The following SNX24 variants were observed in gnomAD, a reference collection of about 807,000 sequenced individuals.
SNX24 encodes sorting nexin 24.
A neutral mutation model predicts 28.7 loss-of-function variants in SNX24; 22 were observed. That is an observed-to-expected ratio of 0.77 (90% confidence interval 0.55 to 1.10). SNX24 has a LOEUF of 1.10. SNX24 is among the 50% of genes least tolerant of loss of function. SNX24 has a pLI of 0.00. For missense variants in SNX24, 221 were observed against 201.1 expected (o/e 1.10, Z -0.60); for synonymous variants, 69 against 71.5 (o/e 0.96, Z 0.18).
intron 1 of SNX24, among the ~76,000 whole-genome samples, chr5:122,925,909 C>G (rs1758674184): frequency 6.6e-6 from 1 of 152,156 alleles, no homozygotes; most frequent in South Asian, 2.1e-4. Context: ...GATGAAGTTC[C>G]TATCATTATG....
At chr5:123,002,355 C>T (rs897064854) in intron 6 of SNX24, among the ~76,000 whole-genome samples, 3 of 152,166 alleles carry the variant, frequency 2.0e-5, no homozygotes, top group Non-Finnish European at 4.4e-5. Flanking sequence ...AAAAATGCCT[C>T]TTCCCGGCCA....
intron 2 of SNX24, among the ~76,000 whole-genome samples, chr5:122,945,208 T>C (rs1404579034): frequency 1.3e-5 from 2 of 152,198 alleles, no homozygotes; most frequent in African/African-American, 2.4e-5. Context: ...TCCTAGTCTC[T>C]TTCCAACTCA....
chr5:122,910,344 A>C (rs1757825898), intron 1 of SNX24, among the ~76,000 whole-genome samples: 2 of 152,064 alleles, frequency 1.3e-5, no homozygotes, highest in Non-Finnish European at 2.9e-5. Flanking sequence ...TTACTTTTGA[A>C]ATTCTTTTCC....
At chr5:122,906,744 G>A (rs1415460621) in intron 1 of SNX24, among the ~76,000 whole-genome samples, 2 of 152,200 alleles carry the variant, frequency 1.3e-5, no homozygotes, top group Non-Finnish European at 2.9e-5. Flanking sequence ...CTGACCTCAG[G>A]TGATCCGCCC....
intron 1 of SNX24, among the ~76,000 whole-genome samples, chr5:122,919,949 T>C (rs747149483): frequency 2.6e-5 from 4 of 152,238 alleles, no homozygotes; most frequent in Non-Finnish European, 5.9e-5. Context: ...ATTGTTCTAA[T>C]AGTGGCCTGT....
In SNX24 at chr5:122,845,663, T is replaced by G; in HGVS notation, c.30T>G (p.Tyr10Ter). The change falls in exon 1 of 7, where the codon TAT (tyrosine) becomes TAG (stop). Residue 10 changes from tyrosine to a stop codon, truncating the protein, a stop_gained. Transcript: ENST00000261369. LOFTEE classifies it high-confidence loss of function. ...AGGTCTACATCCCGTCCTTTCGCTA[T>G]GAAGAGAGCGACCTGGAGCGGGGAT... MEVYIPSFR[Y>*]EESDLERGYT... 1 of 1,429,406 alleles carries G rather than the reference T, an allele frequency of 7.0e-7. No homozygotes were observed. The highest frequency in any genetic ancestry group is 9.2e-7 in the Non-Finnish European group (1 of 1,082,266). The allele number at this position is 1,429,406 out of a possible 1,614,324, so 88.5% of individuals were successfully genotyped here.
chr5:122,898,251 A>G (rs1362250724), intron 1 of SNX24, among the ~76,000 whole-genome samples: 1 of 152,218 alleles, frequency 6.6e-6, no homozygotes, highest in Non-Finnish European at 1.5e-5. Flanking sequence ...GTCTTAAATC[A>G]TCTTCAACCC....
chr5:123,018,217 G>C (rs914724749), intron 5 of SNX24, among the ~76,000 whole-genome samples: 4 of 152,008 alleles, frequency 2.6e-5, no homozygotes, highest in African/African-American at 9.7e-5. Context: ...CTTTGTAAGA[G>C]AGGCTATGCT....
At chr5:122,964,939 T>G (rs1458087776) in intron 3 of SNX24, among the ~76,000 whole-genome samples, 1 of 152,218 alleles carries the variant, frequency 6.6e-6, no homozygotes, top group Non-Finnish European at 1.5e-5. Context: ...TTGAATTTTT[T>G]AGGTTGTTTC....
intron 3 of SNX24, among the ~76,000 whole-genome samples, chr5:122,980,825 A>C (rs2150156126): frequency 6.6e-6 from 1 of 151,978 alleles, no homozygotes. Context: ...TCAGACTCAA[A>C]AGGAAGTTGA....
At chr5:122,944,317 C>T (rs1261968849) in intron 2 of SNX24, among the ~76,000 whole-genome samples, 1 of 152,152 alleles carries the variant, frequency 6.6e-6, no homozygotes, top group Non-Finnish European at 1.5e-5. Context: ...GAGCCCTACC[C>T]CAGTAGACAT....
downstream of SNX24, among the ~76,000 whole-genome samples, chr5:123,010,860 T>TTA (rs1554080862): frequency 2.0e-5 from 3 of 151,818 alleles, no homozygotes; most frequent in Admixed American, 6.6e-5. Context: ...TATTTTTTTT[T>TTA]ATTTAACAAT....
intron 5 of SNX24, chr5:123,022,828 T>C (rs914903806): frequency 5.2e-5 from 8 of 152,498 alleles, no homozygotes; most frequent in Non-Finnish European, 8.8e-5. Context: ...GTTGTTGTCG[T>C]TGCTGTTTGA....
rs1653364453 is a variant in SNX24 at position 122,873,596 on chromosome 5, C to G, written c.60+27903C>G. Among the ~76,000 whole-genome samples the G allele has an allele frequency of 2.0e-5, 3 of 151,928 alleles. No individual in the cohort carries two copies. In the South Asian group the frequency reaches 6.2e-4, roughly 32 times the overall value. ...GCACAGAGGTGTGGAGTGTGAGGCA[C>G]AATTTCATCAGCTCCAATATTTACT... is the stretch of plus-strand genomic sequence containing the variant. On this transcript the variant is annotated intron_variant, in intron 1 of 6. Transcript: ENST00000261369.
intron 2 of SNX24, among the ~76,000 whole-genome samples, chr5:122,937,604 G>A (rs1759234234): frequency 6.6e-6 from 1 of 152,076 alleles, no homozygotes; most frequent in Non-Finnish European, 1.5e-5. Context: ...ACTTATAAAC[G>A]TTAACAGGAT....
chr5:122,865,926 T>C (rs575146779), intron 1 of SNX24, among the ~76,000 whole-genome samples: 153 of 152,344 alleles, frequency 1.0e-3, no homozygotes, highest in African/African-American at 3.4e-3. Context: ...CTTCTTGATA[T>C]CTGATGATTT....
At chr5:123,024,792 G>A (rs941416189) in intron 5 of SNX24, among the ~76,000 whole-genome samples, 4 of 152,186 alleles carry the variant, frequency 2.6e-5, no homozygotes, top group African/African-American at 9.7e-5. Context: ...GGTAGAATAA[G>A]TCACATGAAA....
At chr5:122,930,531 A>G (rs985929821) in intron 1 of SNX24, among the ~76,000 whole-genome samples, 1 of 152,164 alleles carries the variant, frequency 6.6e-6, no homozygotes, top group Admixed American at 6.5e-5. Flanking sequence ...TTATGCTTGT[A>G]ATTAAAAATA....
intron 4 of SNX24, 133 bp from the exon 5 acceptor site, chr5:123,001,272 A>C (rs1762234597): frequency 3.0e-6 from 2 of 672,974 alleles, no homozygotes; most frequent in Admixed American, 4.7e-5. Flanking sequence ...GCTCAGTGGA[A>C]ACTCACAGCT....
Sources: allele counts gnomAD v4.1 joint callset (sites outside exome capture counted in the v4.1 genomes callset), GRCh38; gene constraint gnomAD v4.1.1; transcripts MANE v1.5; gene names NCBI Gene and HGNC (gene_info 2026-07-23, HGNC 2026-07-21).